The following PTPRG variants were observed in gnomAD, a reference collection of about 807,000 sequenced individuals.
The protein encoded by PTPRG is protein tyrosine phosphatase receptor type G, also known as receptor-type tyrosine-protein phosphatase gamma.
In PTPRG, 102 loss-of-function variants were observed where a neutral mutation model predicts 165.3. The ratio of observed to expected loss-of-function variants is 0.62; its 90% CI spans 0.53 to 0.73. The LOEUF (loss-of-function observed/expected upper bound fraction) is 0.73. Ranked by LOEUF, PTPRG falls within the 30% of genes least tolerant of loss-of-function variation. PTPRG has a pLI of 0.00. For synonymous variants in PTPRG, 675 were observed against 669.5 expected, an observed-to-expected ratio of 1.01 and a Z score of -0.13; for missense variants, 1,866 against 1,861.4, an observed-to-expected ratio of 1.00 and a Z score of -0.05.
chr3:62,111,539 C>T (rs915884920), intron 5 of PTPRG, among the ~76,000 whole-genome samples: 2 of 152,158 alleles, frequency 1.3e-5, no homozygotes, highest in Admixed American at 1.3e-4. Context: ...AGCCTGGAGC[C>T]TCCTAGGCTC....
At chr3:61,855,865 G>A (rs527840765) in intron 2 of PTPRG, among the ~76,000 whole-genome samples, 1 of 152,198 alleles carries the variant, frequency 6.6e-6, no homozygotes, top group African/African-American at 2.4e-5. Flanking sequence ...CCAAGGAAGT[G>A]TGGAGCAACA....
At chr3:61,672,940 C>T (rs558773562) in intron 1 of PTPRG, among the ~76,000 whole-genome samples, 1 of 152,106 alleles carries the variant, frequency 6.6e-6, no homozygotes, top group African/African-American at 2.4e-5. Flanking sequence ...CAGGAGGATT[C>T]TTGATTGGCC....
chr3:61,943,768 TG>T (rs1369071984), intron 2 of PTPRG, among the ~76,000 whole-genome samples: 2 of 152,124 alleles, frequency 1.3e-5, no homozygotes, highest in African/African-American at 2.4e-5. Flanking sequence ...TCACTTAGTG[TG>T]GGTCCCTTTG....
intron 4 of PTPRG, among the ~76,000 whole-genome samples, chr3:62,030,920 A>G (rs1699749404): frequency 6.6e-6 from 1 of 152,216 alleles, no homozygotes; most frequent in Admixed American, 6.5e-5. Context: ...TTTAGTCAAT[A>G]TGGATTTGAA....
At chr3:61,899,859 G>T (rs1028254452) in intron 2 of PTPRG, among the ~76,000 whole-genome samples, 2 of 152,192 alleles carry the variant, frequency 1.3e-5, no homozygotes, top group Non-Finnish European at 2.9e-5. Context: ...TACCAACTTT[G>T]TGTGTAACCC....
chr3:61,840,819 T>A (rs1465803578), intron 2 of PTPRG, among the ~76,000 whole-genome samples: 2 of 147,452 alleles, frequency 1.4e-5, no homozygotes, highest in Middle Eastern at 3.2e-3. Context: ...GGTCTTGCTC[T>A]GTCACCCAGG....
intron 1 of PTPRG, among the ~76,000 whole-genome samples, chr3:61,585,990 A>G (rs1196759077): frequency 7.9e-5 from 12 of 152,210 alleles, no homozygotes; most frequent in Admixed American, 7.9e-4. Context: ...ATATGAAAAG[A>G]CACTGATTGG....
chr3:62,167,460 G>A (rs1407204678), intron 7 of PTPRG, among the ~76,000 whole-genome samples: 1 of 152,152 alleles, frequency 6.6e-6, no homozygotes, highest in Admixed American at 6.5e-5. Flanking sequence ...ACTTAAAATT[G>A]ACAAAAATCC....
chr3:61,973,057 C>T (rs917203725), intron 2 of PTPRG, among the ~76,000 whole-genome samples: 2 of 152,106 alleles, frequency 1.3e-5, no homozygotes, highest in Non-Finnish European at 2.9e-5. Flanking sequence ...AGCTGTCCTG[C>T]CGAGACACTT....
chr3:61,592,649 C>CTTTT (rs373986933), intron 1 of PTPRG, among the ~76,000 whole-genome samples: 6 of 132,880 alleles, frequency 4.5e-5, no homozygotes, highest in South Asian at 4.6e-4. Flanking sequence ...TTCTTTCTTT[C>CTTTT]TTTTTTTTTT....
rs116271575 is a variant in PTPRG, at chr3:62,293,361, T to C, written c.*54T>C. On this transcript the variant is annotated 3_prime_UTR_variant, in exon 30 of 30. Coordinates refer to ENST00000474889, the MANE Select transcript of PTPRG (RefSeq NM_002841.4). ...TAAACTTCTGAAGACTGAGAACTTT[T>C]TTGAGGCCTTTTTTGCCAGACTCTA... 4.5e-4 allele frequency: 643 copies of C among 1,440,272 alleles called. 4 individuals carry two copies. In the African/African-American group the frequency reaches 8.3e-3, roughly 19 times the overall value. The allele number at this position is 1,440,272 out of a possible 1,614,324, so 89.2% of individuals were successfully genotyped here. A position where few individuals can be genotyped will look rare whatever the true frequency, so the allele number is the denominator to read the frequency against.
At chr3:61,999,188 G>A (rs1321856924) in intron 3 of PTPRG, among the ~76,000 whole-genome samples, 1 of 152,128 alleles carries the variant, frequency 6.6e-6, no homozygotes, top group East Asian at 1.9e-4. Flanking sequence ...TGGGATTACA[G>A]GTGCCCGCCA....
intron 1 of PTPRG, among the ~76,000 whole-genome samples, chr3:61,720,125 T>C (rs1178569609): frequency 6.6e-6 from 1 of 152,100 alleles, no homozygotes; most frequent in Non-Finnish European, 1.5e-5. Flanking sequence ...AAGGGAATTT[T>C]TTTTTTTTTT....
chr3:61,663,881 T>A (rs992027618), intron 1 of PTPRG, among the ~76,000 whole-genome samples: 1 of 152,136 alleles, frequency 6.6e-6, no homozygotes, highest in Non-Finnish European at 1.5e-5. Context: ...CAGGCAGTAA[T>A]GCTCTCTTGC....
chr3:61,793,619 G>A (rs1368312343), intron 2 of PTPRG, among the ~76,000 whole-genome samples: 1 of 152,090 alleles, frequency 6.6e-6, no homozygotes, highest in Non-Finnish European at 1.5e-5. Context: ...GCAATACAAT[G>A]GGGAAAGGGA....
At chr3:61,721,163 T>G (rs192200130) in intron 1 of PTPRG, among the ~76,000 whole-genome samples, 1 of 152,356 alleles carries the variant, frequency 6.6e-6, no homozygotes, top group Admixed American at 6.5e-5. Flanking sequence ...ACATTTCTGT[T>G]TCTGGTCACT....
chr3:62,270,514 C>T lies in PTPRG; in HGVS notation c.3010-869C>T, dbSNP rs945944582. ...ATATTTCAGGTATTTAAACAGGGCC[C>T]ACTTACTCTTGTTTTAGAAACAGCT... is the stretch of plus-strand genomic sequence containing the variant. On this transcript the variant is annotated intron_variant, in intron 20 of 29. Transcript: ENST00000474889. Among the ~76,000 whole-genome samples the T allele has an allele frequency of 3.3e-5, 5 of 152,208 alleles. No individual in the cohort carries two copies. In the East Asian group the frequency reaches 9.7e-4, roughly 29 times the overall value.
At chr3:62,193,924 G>A (rs180750621) in intron 9 of PTPRG, among the ~76,000 whole-genome samples, 15 of 152,278 alleles carry the variant, frequency 9.9e-5, no homozygotes, top group Middle Eastern at 3.4e-3. Context: ...TTTGTTGTTC[G>A]TTTCTTTAGG....
At chr3:62,127,472 T>G (rs1335868991) in intron 5 of PTPRG, among the ~76,000 whole-genome samples, 1 of 152,232 alleles carries the variant, frequency 6.6e-6, no homozygotes, top group African/African-American at 2.4e-5. Flanking sequence ...GTGAATCCTC[T>G]TCTCTGCAAT....
Sources: gnomAD v4.1 joint callset for allele counts (sites outside exome capture counted in the v4.1 genomes callset) on GRCh38, gnomAD v4.1.1 for gene constraint, MANE v1.5 for transcripts, NCBI Gene and HGNC (gene_info 2026-07-23, HGNC 2026-07-21) for gene names.